Variants in PODNL1 observed in about 807,000 individuals in gnomAD.
The protein encoded by PODNL1 is podocan like 1.
In PODNL1, 50 loss-of-function variants were observed where a neutral mutation model predicts 45.1. That is an observed-to-expected ratio of 1.11 (90% CI 0.88 to 1.40). PODNL1 has a LOEUF of 1.40. Among genes scored for constraint, PODNL1 ranks in the 40% most tolerant of loss-of-function variants. The probability of loss-of-function intolerance (pLI) is 0.00; values close to 1 mark genes in which losing one functional copy is unlikely to be tolerated. For synonymous variants in PODNL1, 406 were observed against 372.5 expected, an observed-to-expected ratio of 1.09 and a Z score of -1.04; for missense variants, 788 against 793.3, an observed-to-expected ratio of 0.99 and a Z score of 0.08.
intron 1 of PODNL1, chr19:13,952,555 A>AGCG (rs1157656435): frequency 3.3e-5 from 42 of 1,264,044 alleles, no homozygotes; most frequent in East Asian, 9.4e-5. Flanking sequence ...CGGGGCTGGG[A>AGCG]GCGGCGGCGG....
chr19:13,935,964 G>A lies in PODNL1; in HGVS notation c.384+16C>T. On this transcript the variant is annotated intron_variant, in intron 4 of 9. Transcript: ENST00000588872. ...CCCTCACTGGGCTCGGCCTGCGGGTGGGGCTGGGGGCTCACCTTGTTGTGA... is the reference window on the plus strand; with the variant it reads ...CCCTCACTGGGCTCGGCCTGCGGGTAGGGCTGGGGGCTCACCTTGTTGTGA... 6.4e-7 allele frequency: 1 copy of A among 1,551,100 alleles called. No individual in the cohort carries two copies. Among genetic ancestry groups the A allele is most frequent in the South Asian group, 1.2e-5 (1 of 84,258 alleles).
At position 13,932,873 on chromosome 19, in the gene PODNL1, C is replaced by T. The variant is rs900965906; in HGVS notation, c.1350G>A (p.Glu450=). 1 of 1,609,530 alleles carries T rather than the reference C, an allele frequency of 6.2e-7. No individual in the cohort carries two copies. Among genetic ancestry groups the T allele is most frequent in the Non-Finnish European group, 8.5e-7 (1 of 1,178,564 alleles). ...GGAGCCGGTTGTGCGCCAGGCTGAG[C>T]TCCCGCAGTTGGTCCAGGCCGGCCA... ...EPLAGLDQLR[E]LSLAHNRLRV... The change falls in exon 8 of 10, where the codon GAG becomes GAA. Residue 450 remains glutamate (E), a synonymous_variant. Transcript: ENST00000588872.
rs1972184168 is a variant in PODNL1 at position 13,934,424 on chromosome 19, G to A, written c.495-14C>T. 6.7e-7 allele frequency: 1 copy of A among 1,490,760 alleles called. No individual in the cohort carries two copies. Among genetic ancestry groups the A allele is most frequent in the South Asian group, 1.3e-5 (1 of 74,756 alleles). 92.3% of individuals were successfully genotyped at this position (1,490,760 alleles called of 1,614,324 possible). A position where few individuals can be genotyped will look rare whatever the true frequency, so the allele number is the denominator to read the frequency against. On this transcript the variant is annotated splice_polypyrimidine_tract_variant and intron_variant, in intron 5 of 9. Coordinates refer to ENST00000588872, the MANE Select transcript of PODNL1 (RefSeq NM_001370095.3). ...AGGTACACGGACCTGAGGAGAGCCA[G>A]GCTCCGGCCACCAGCCTGCCCCTCG...
chr19:13,942,318 G>A (rs1430823633), upstream of PODNL1, among the ~76,000 whole-genome samples: 1 of 152,112 alleles, frequency 6.6e-6, no homozygotes, highest in Non-Finnish European at 1.5e-5. Flanking sequence ...TGTATGTGGT[G>A]CTAAGACATT....
At chr19:13,948,602 A>C (rs1476765790) in intron 1 of PODNL1, among the ~76,000 whole-genome samples, 2 of 147,274 alleles carry the variant, frequency 1.4e-5, no homozygotes, top group African/African-American at 5.0e-5. Flanking sequence ...CCCCATCCTC[A>C]TCCCCCAAGA....
intron 5 of PODNL1, among the ~76,000 whole-genome samples, chr19:13,934,790 AGT>A (rs1182977346): frequency 7.3e-5 from 11 of 150,630 alleles, no homozygotes; most frequent in African/African-American, 2.2e-4. Context: ...TGCATGGGTG[AGT>A]GTGTGCATGT....
intron 1 of PODNL1, chr19:13,952,716 G>A (rs996428223): frequency 1.2e-4 from 158 of 1,305,676 alleles, no homozygotes; most frequent in Non-Finnish European, 1.5e-4. Context: ...GGAGGGAGGA[G>A]GGCGTTCGCG....
chr19:13,938,782 G>A (rs981442056), upstream of PODNL1, among the ~76,000 whole-genome samples: 5 of 147,720 alleles, frequency 3.4e-5, no homozygotes, highest in Admixed American at 2.7e-4. Flanking sequence ...GGCCACAGCC[G>A]CCTGGAAGGA....
chr19:13,939,314 T>C (rs962852458), upstream of PODNL1, among the ~76,000 whole-genome samples: 6 of 152,244 alleles, frequency 3.9e-5, no homozygotes, highest in African/African-American at 1.4e-4. Context: ...GGGGTTCAAG[T>C]GATTCTCCCG....
intron 8 of PODNL1, 40 bp downstream of exon 8, chr19:13,932,758 G>A: frequency 6.2e-7 from 1 of 1,612,558 alleles, no homozygotes; most frequent in Non-Finnish European, 8.5e-7. Flanking sequence ...GGGGATGGAG[G>A]GGCCCTGGGG....
Position 13,933,185 on chromosome 19 carries a change from A to C in PODNL1, c.1038T>G (p.Pro346=), listed in dbSNP as rs1206532252. The change falls in exon 8 of 10, where the codon CCT becomes CCG. Residue 346 remains proline (P), a synonymous_variant. Transcript: ENST00000588872. This position sits in a 1 kb window ranked among gnomAD's most constrained non-coding sequence, Gnocchi z 5.2. Reference sequence around the variant, plus strand: ...CACGCAGGCGGCGGGGCAGGGCTGGAGGCACGCGGTCCAGCCCATTGCCAT... The same window carrying C: ...CACGCAGGCGGCGGGGCAGGGCTGGCGGCACGCGGTCCAGCCCATTGCCAT... ...HLYGNGLDRV[P]PALPRRLRAL... 5 of 1,534,558 alleles carry C rather than the reference A, an allele frequency of 3.3e-6. No individual in the cohort carries two copies. In the South Asian group the frequency reaches 6.0e-5, roughly 18 times the overall value.
chr19:13,942,693 A>T (rs949703679), upstream of PODNL1, among the ~76,000 whole-genome samples: 3 of 152,134 alleles, frequency 2.0e-5, no homozygotes, highest in African/African-American at 7.2e-5. Flanking sequence ...GAATGCACAT[A>T]GGATTGGCTG....
intron 6 of PODNL1, 34 bp downstream of exon 6, chr19:13,934,220 G>A (rs2305779): frequency 0.13 from 186,885 of 1,488,290 alleles, 12,713 homozygotes; most frequent in East Asian, 0.25. Flanking sequence ...GGTGAAGAGA[G>A]TCTGGCCCGG....
At chr19:13,936,813 G>A (rs1339866788) in intron 2 of PODNL1, among the ~76,000 whole-genome samples, 1 of 58,464 alleles carries the variant, frequency 1.7e-5, no homozygotes, top group African/African-American at 7.5e-5. Context: ...CCCCAAATGT[G>A]CCATCACCCC....
At chr19:13,935,637 T>C (rs1972290655) in intron 5 of PODNL1, 84 bp downstream of exon 5, 1 of 1,094,128 alleles carries the variant, frequency 9.1e-7, no homozygotes. Flanking sequence ...GAGGGCAAGG[T>C]CTTAACTCCC....
At chr19:13,945,769 G>A (rs1250982085) in intron 1 of PODNL1, among the ~76,000 whole-genome samples, 1 of 151,722 alleles carries the variant, frequency 6.6e-6, no homozygotes, top group African/African-American at 2.4e-5. Flanking sequence ...ACAGGCGTAA[G>A]CCACTGCACC....
exon 1 of PODNL1, chr19:13,953,255 C>T (rs1001839602): frequency 1.7e-5 from 17 of 981,470 alleles, no homozygotes; most frequent in East Asian, 3.1e-5. Flanking sequence ...GATGATGTCT[C>T]TCTCCCCCAT....
chr19:13,946,667 G>C (rs1972823970), intron 1 of PODNL1, among the ~76,000 whole-genome samples: 1 of 152,126 alleles, frequency 6.6e-6, no homozygotes, highest in African/African-American at 2.4e-5. Context: ...AGGCTAGAAA[G>C]AGTGGTCTAA....
intron 1 of PODNL1, chr19:13,952,572 CG>C (rs1392363335): frequency 4.7e-6 from 6 of 1,264,440 alleles, no homozygotes; most frequent in South Asian, 3.4e-5. Context: ...GCGGCGGCCC[CG>C]GGGGAGCCGG....
Sources: gnomAD v4.1 joint callset for allele counts (sites outside exome capture counted in the v4.1 genomes callset) on GRCh38, gnomAD v4.1.1 for gene constraint, Gnocchi (gnomAD v3.1) non-coding constraint, MANE v1.5 for transcripts, NCBI Gene and HGNC (gene_info 2026-07-23, HGNC 2026-07-21) for gene names.